Variants in CSAD observed in about 807,000 individuals in gnomAD.
CSAD encodes the protein P-selectin cytoplasmic tail-associated protein.
A neutral mutation model predicts 61.5 loss-of-function variants in CSAD; 47 were observed. The ratio of observed to expected loss-of-function variants is 0.76; its 90% CI spans 0.60 to 0.97. CSAD has a LOEUF of 0.97. Among genes scored for constraint, CSAD ranks in the 50% least tolerant of loss-of-function variants. CSAD has a pLI of 0.00. For synonymous variants in CSAD, 245 were observed against 252.7 expected (o/e 0.97, Z 0.29); for missense variants, 611 against 643.6 (o/e 0.95, Z 0.55).
chr12:53,179,993 A>C (rs1207331222), intron 1 of CSAD: 1 of 1,487,090 alleles, frequency 6.7e-7, no homozygotes, highest in Non-Finnish European at 8.9e-7. Context: ...TGTGGAGGCT[A>C]GTGTTTGATG....
intron 6 of CSAD, 54 bp from the exon 7 acceptor site, chr12:53,172,042 A>T: frequency 7.5e-7 from 1 of 1,335,130 alleles, no homozygotes; most frequent in Admixed American, 1.7e-5. Flanking sequence ...CTGCCCAGAC[A>T]GGCCCTTAAA....
intron 10 of CSAD, among the ~76,000 whole-genome samples, chr12:53,163,425 G>C (rs1033659678): frequency 6.6e-6 from 1 of 152,122 alleles, no homozygotes; most frequent in African/African-American, 2.4e-5. Flanking sequence ...TGGCTTTGCT[G>C]ATGAATTCCA....
intron 2 of CSAD, among the ~76,000 whole-genome samples, chr12:53,176,973 C>T (rs1466418701): frequency 1.3e-5 from 2 of 152,142 alleles, no homozygotes; most frequent in Non-Finnish European, 2.9e-5. Flanking sequence ...TCAAGCAATC[C>T]TCCCACCTCA....
chr12:53,163,950 T>G (rs1163541065), intron 10 of CSAD, among the ~76,000 whole-genome samples: 1 of 152,158 alleles, frequency 6.6e-6, no homozygotes, highest in Non-Finnish European at 1.5e-5. Flanking sequence ...GAAATAACCC[T>G]CACATTTACA....
rs1940385154 is a variant in CSAD at position 53,170,126 on chromosome 12, T to C, written c.648A>G (p.Arg216=). ...DSVRVVKADE[R]GKMVPEDLER... ...CCAGATCCTCGGGGACCATTTTCCCTCTGAAAAAGAAAATGCAGAGGGTAG... is the reference window on the plus strand; with the variant it reads ...CCAGATCCTCGGGGACCATTTTCCCCCTGAAAAAGAAAATGCAGAGGGTAG... The change falls in exon 10 of 17, where the codon AGA becomes AGG. Residue 216 remains arginine (R), a splice_region_variant and synonymous_variant. Coordinates refer to ENST00000444623, the MANE Select transcript of CSAD (RefSeq NM_001244705.2). 6.2e-7 allele frequency: 1 copy of C among 1,613,752 alleles called. No individual in the cohort carries two copies. Among genetic ancestry groups the C allele is most frequent in the South Asian group, 1.1e-5 (1 of 91,072 alleles).
rs148549862 is a variant in CSAD, at chr12:53,172,625, C to T, written c.150G>A (p.Glu50=). 4.9e-3 allele frequency: 7,827 copies of T among 1,608,592 alleles called. 50 individuals carry two copies. Among genetic ancestry groups the T allele is most frequent in the South Asian group, 0.011 (951 of 90,052 alleles). The change falls in exon 5 of 17, where the codon GAG becomes GAA. Residue 50 remains glutamate (E), a synonymous_variant. Transcript: ENST00000444623. The part of the protein sequence containing the change: ...SQKVCEWKEP[E]ELKQLLDLEL... ...CCAAATCCAGCAGCTGCTTCAGCTC[C>T]TCAGGCTCCTTCCACTCACAGACCT...
chr12:53,172,717 C>T (rs1483587934), intron 4 of CSAD, 69 bp from the exon 5 acceptor site: 2 of 1,512,048 alleles, frequency 1.3e-6, no homozygotes, highest in African/African-American at 1.4e-5. Flanking sequence ...CACACCTCCA[C>T]AGACACGAGA....
chr12:53,181,021 G>C (rs1452552713), upstream of CSAD: 1 of 839,074 alleles, frequency 1.2e-6, no homozygotes, highest in East Asian at 1.3e-4. Flanking sequence ...CCCTGCCCGC[G>C]CGTCCCGCCG....
chr12:53,158,835 C>T lies in CSAD; in HGVS notation c.1309-151G>A, dbSNP rs1488640040. The T allele has an allele frequency of 2.0e-5, 13 of 661,930 alleles. No individual in the cohort carries two copies. In the East Asian group the frequency reaches 2.8e-4, roughly 14 times the overall value. 41.0% of individuals were successfully genotyped at this position (661,930 alleles called of 1,614,324 possible). Reference sequence around the variant, plus strand: ...CACCTTGCTCAGACCTTGACCTTGGCCTCAGTTTACCTTTCTGTCATATCT... The same window carrying T: ...CACCTTGCTCAGACCTTGACCTTGGTCTCAGTTTACCTTTCTGTCATATCT... On this transcript the variant is annotated intron_variant, in intron 16 of 16. Transcript: ENST00000444623.
At chr12:53,172,470 T>A in intron 5 of CSAD, 34 bp from the exon 6 acceptor site, 1 of 1,613,402 alleles carries the variant, frequency 6.2e-7, no homozygotes, top group Non-Finnish European at 8.5e-7. Flanking sequence ...GAGCTCAGAG[T>A]AGAGCTCAGG....
intron 10 of CSAD, among the ~76,000 whole-genome samples, chr12:53,165,213 T>C (rs1939759178): frequency 6.6e-6 from 1 of 152,004 alleles, no homozygotes; most frequent in Non-Finnish European, 1.5e-5. Flanking sequence ...TGGCAGCCTG[T>C]GCCTGTGGTC....
At chr12:53,169,978 G>A (rs564576715) in intron 10 of CSAD, 94 bp downstream of exon 10, 29 of 1,089,972 alleles carry the variant, frequency 2.7e-5, no homozygotes, top group Admixed American at 2.7e-4. Context: ...GCATGGAGAC[G>A]AGAGGGATGA....
At chr12:53,159,512 G>C (rs1485565908) in intron 16 of CSAD, 111 bp downstream of exon 16, 4 of 847,302 alleles carry the variant, frequency 4.7e-6, no homozygotes, top group Non-Finnish European at 7.6e-6. Flanking sequence ...ACGCCTCAGA[G>C]CAAGAGACCA....
At chr12:53,161,023 C>G in intron 12 of CSAD, 104 bp downstream of exon 12, 1 of 1,247,428 alleles carries the variant, frequency 8.0e-7, no homozygotes, top group Non-Finnish European at 1.1e-6. Flanking sequence ...AGTCCCCCTC[C>G]CCTCAGCCTC....
intron 8 of CSAD, chr12:53,171,061 T>C (rs1302703625): frequency 4.8e-6 from 3 of 627,676 alleles, no homozygotes; most frequent in Non-Finnish European, 8.8e-6. Flanking sequence ...ATACCAATGC[T>C]GCTGGTCCAC....
At chr12:53,169,297 T>C (rs1364299793) in intron 10 of CSAD, among the ~76,000 whole-genome samples, 1 of 151,862 alleles carries the variant, frequency 6.6e-6, no homozygotes, top group Non-Finnish European at 1.5e-5. Context: ...CTGACCAACA[T>C]GCAGAAACCC....
chr12:53,158,647 C>A lies in CSAD; in HGVS notation c.1346G>T (p.Gly449Val), dbSNP rs1190956406. Reference sequence around the variant, plus strand: ...GGGCTGGTAGCCAATCATCATGGAGCCCTCCTTCACCATGCGCTCCTTGAG... The same window carrying A: ...GGGCTGGTAGCCAATCATCATGGAGACCTCCTTCACCATGCGCTCCTTGAG... ...PVLKERMVKE[G>V]SMMIGYQPHG... Residue 449 changes from glycine (G) to valine (V), a missense_variant, in exon 17 of 17, where the codon GGC (glycine) becomes GTC (valine). Transcript: ENST00000444623. 2.5e-6 allele frequency: 4 copies of A among 1,614,116 alleles called. No individual in the cohort carries two copies. The Admixed American group carries it at 5.0e-5, about 20-fold the overall frequency.
At chr12:53,176,073 G>C (rs1241805437) in intron 2 of CSAD, among the ~76,000 whole-genome samples, 1 of 149,544 alleles carries the variant, frequency 6.7e-6, no homozygotes, top group Non-Finnish European at 1.5e-5. Flanking sequence ...GATAAAGACA[G>C]AAACTGAAAA....
intron 12 of CSAD, 91 bp from the exon 13 acceptor site, chr12:53,160,935 G>C (rs1436002981): frequency 3.3e-5 from 43 of 1,294,782 alleles, no homozygotes; most frequent in Non-Finnish European, 3.5e-5. Flanking sequence ...CCAGCAAAGG[G>C]GCTTTGGTCT....
Sources: gnomAD v4.1 joint callset for allele counts (sites outside exome capture counted in the v4.1 genomes callset) on GRCh38, gnomAD v4.1.1 for gene constraint, MANE v1.5 for transcripts, NCBI Gene and HGNC (gene_info 2026-07-23, HGNC 2026-07-21) for gene names.